Variants in INTS6L observed in about 807,000 individuals in gnomAD.
The protein encoded by INTS6L is integrator complex subunit 6-like.
Under a neutral mutation model 64.7 loss-of-function variants are expected in INTS6L, and 18 were observed. The ratio of observed to expected loss-of-function variants is 0.28; its 90% CI spans 0.19 to 0.41. INTS6L has a LOEUF of 0.41. Ranked by LOEUF, INTS6L falls within the 10% of genes least tolerant of loss-of-function variation. The pLI is 1.00. For synonymous variants in INTS6L, 227 were observed against 235.9 expected, an observed-to-expected ratio of 0.96 and a Z score of 0.34; for missense variants, 533 against 661.0, an observed-to-expected ratio of 0.81 and a Z score of 2.12.
intron 2 of INTS6L, among the ~76,000 whole-genome samples, chrX:135,523,388 T>G (rs2085643804): frequency 4.3e-5 from 2 of 46,684 alleles, no homozygotes; most frequent in Non-Finnish European, 7.4e-5. Flanking sequence ...GGCAAGAAAG[T>G]GAAACTCTGT....
chrX:135,580,185 T>C (rs1477780197), intron 16 of INTS6L, 23 bp downstream of exon 16: 3 of 1,159,344 alleles, frequency 2.6e-6, no homozygotes, highest in Non-Finnish European at 3.5e-6. Context: ...AGAACATCTA[T>C]CAATAATGCA....
chrX:135,560,214 G>T (rs73561613), intron 9 of INTS6L, among the ~76,000 whole-genome samples: 2,664 of 111,708 alleles, frequency 0.024, 79 homozygotes, highest in African/African-American at 0.081. Flanking sequence ...GTATCTACAT[G>T]TTCACTGCTA....
At chrX:135,546,556 G>C in intron 4 of INTS6L, 87 bp downstream of exon 4, 1 of 997,915 alleles carries the variant, frequency 1.0e-6, no homozygotes, top group East Asian at 3.2e-5. Flanking sequence ...TTAACAGTAA[G>C]TTTGGTCAAA....
At chrX:135,550,797 A>C (rs2148623942) in intron 7 of INTS6L, among the ~76,000 whole-genome samples, 1 of 111,618 alleles carries the variant, frequency 9.0e-6, no homozygotes, top group South Asian at 3.8e-4. Context: ...TCCTCTCCTC[A>C]GGGCTTCAAG....
intron 6 of INTS6L, among the ~76,000 whole-genome samples, chrX:135,548,063 A>G (rs2086402817): frequency 1.8e-5 from 2 of 109,766 alleles, no homozygotes; most frequent in African/African-American, 6.7e-5. Flanking sequence ...ATATATATAT[A>G]TATACACACA....
chrX:135,547,205 C>T lies in INTS6L; in HGVS notation c.682C>T (p.Gln228Ter). ...TTTAGAATCTCTAGTTCAAAAAGTT[C>T]AGAGTGGTGTAGTTATTAATTTTGA... ...QCLESLVQKV[Q>*]SGVVINFEKT... is the part of the protein sequence containing the mutation. The change falls in exon 6 of 18, where the codon CAG becomes TAG. Residue 228 changes from glutamine to a stop codon, truncating the protein, a stop_gained. Coordinates refer to ENST00000639893, the MANE Select transcript of INTS6L (RefSeq NM_001351601.3). LOFTEE classifies it high-confidence loss of function. 8.3e-7 allele frequency: 1 copy of T among 1,210,186 alleles called. No individual in the cohort carries two copies. Among genetic ancestry groups the T allele is most frequent in the Non-Finnish European group, 1.1e-6 (1 of 894,477 alleles).
At chrX:135,549,566 T>G in intron 6 of INTS6L, 76 bp from the exon 7 acceptor site, 1 of 1,101,268 alleles carries the variant, frequency 9.1e-7, no homozygotes, top group South Asian at 2.2e-5. Flanking sequence ...TGCTTTCAGC[T>G]GGAAAATTTG....
chrX:135,528,905 T>C (rs1199291078), intron 2 of INTS6L, among the ~76,000 whole-genome samples: 9 of 79,582 alleles, frequency 1.1e-4, no homozygotes, highest in Non-Finnish European at 8.7e-5. Context: ...GACTCATTTG[T>C]GCATGAAAGG....
intron 5 of INTS6L, 62 bp from the exon 6 acceptor site, chrX:135,547,075 T>G: frequency 7.7e-6 from 9 of 1,172,046 alleles, no homozygotes; most frequent in Non-Finnish European, 1.0e-5. Flanking sequence ...GATTTTAAAA[T>G]GCTTATATTA....
intron 2 of INTS6L, among the ~76,000 whole-genome samples, chrX:135,538,001 G>T (rs1471910417): frequency 8.9e-6 from 1 of 112,758 alleles, no homozygotes; most frequent in Non-Finnish European, 1.9e-5. Flanking sequence ...CTGGTGGACA[G>T]TCTTGCCTTG....
intron 2 of INTS6L, among the ~76,000 whole-genome samples, chrX:135,529,526 T>C (rs73224797): frequency 0.072 from 8,048 of 111,466 alleles, 336 homozygotes; most frequent in Middle Eastern, 0.18. Context: ...TAATTGTTAT[T>C]TTTTGGTAAC....
rs782206877 is a variant in INTS6L at position 135,521,123 on chromosome X, G to C, written c.111+20G>C. ...TTGAAGGTAAAGGGAGGGGAGGGGA[G>C]AGATGGGGAGAGCTCCCGAGGGATT... is the stretch of plus-strand genomic sequence containing the variant. On this transcript the variant is annotated intron_variant, in intron 1 of 17. Transcript: ENST00000639893. The C allele has an allele frequency of 9.2e-6, 11 of 1,192,102 alleles. No homozygotes were observed. Among genetic ancestry groups the C allele is most frequent in the South Asian group, 1.8e-5 (1 of 56,062 alleles).
Position 135,577,244 on chromosome X carries a change from G to C in INTS6L, c.1936G>C (p.Val646Leu), listed in dbSNP as rs782054401. Reference protein sequence around the residue: ...DEFVAGPQNKVKRPGEPNSPM... With the variant: ...DEFVAGPQNKLKRPGEPNSPM... The stretch of plus-strand genomic sequence containing the variant: ...GTTTGTAGCAGGGCCACAAAACAAA[G>C]TGAAACGTCCAGGGGAACCCAACAG... The change falls in exon 15 of 18, where the codon GTG becomes CTG. Residue 646 changes from valine (V) to leucine (L), a missense_variant. By Grantham distance (32) the Val-to-Leu change is conservative (BLOSUM62 1). Transcript: ENST00000639893. 13 of 1,209,769 alleles carry C rather than the reference G, an allele frequency of 1.1e-5. No individual in the cohort carries two copies. The South Asian group carries it at 2.1e-4, about 20-fold the overall frequency.
At chrX:135,573,565 T>A (rs2087144372) in intron 12 of INTS6L, among the ~76,000 whole-genome samples, 1 of 112,797 alleles carries the variant, frequency 8.9e-6, no homozygotes, top group African/African-American at 3.2e-5. Context: ...CTCTGCTAAC[T>A]GCACTCCTTG....
At chrX:135,559,945 G>A (rs1430439714) in intron 9 of INTS6L, among the ~76,000 whole-genome samples, 5 of 112,127 alleles carry the variant, frequency 4.5e-5, no homozygotes, top group African/African-American at 1.6e-4. Context: ...CATTGTATAT[G>A]TTCTTTGGTG....
intron 2 of INTS6L, among the ~76,000 whole-genome samples, chrX:135,524,679 C>T (rs1556500170): frequency 9.0e-6 from 1 of 111,584 alleles, no homozygotes; most frequent in East Asian, 2.8e-4. Flanking sequence ...TATCCACTTA[C>T]AAGATCCGAC....
chrX:135,551,068 T>G (rs1556516834), intron 7 of INTS6L, among the ~76,000 whole-genome samples: 1 of 112,497 alleles, frequency 8.9e-6, no homozygotes, highest in Non-Finnish European at 1.9e-5. Flanking sequence ...AAGAGCTATT[T>G]TTCTCAACCC....
At chrX:135,551,687 C>A (rs1383437976) in intron 7 of INTS6L, among the ~76,000 whole-genome samples, 3 of 112,148 alleles carry the variant, frequency 2.7e-5, no homozygotes, top group African/African-American at 9.7e-5. Flanking sequence ...ATTCATCCTA[C>A]AATCATAAGC....
intron 11 of INTS6L, chrX:135,571,722 G>C (rs1371137191): frequency 9.0e-6 from 1 of 111,301 alleles, no homozygotes; most frequent in African/African-American, 3.3e-5. Context: ...TTGATCTATC[G>C]ATTTTTTTTA....
Sources: allele counts gnomAD v4.1 joint callset (sites outside exome capture counted in the v4.1 genomes callset), GRCh38; gene constraint gnomAD v4.1.1; transcripts MANE v1.5; gene names NCBI Gene and HGNC (gene_info 2026-07-23, HGNC 2026-07-21).